The following MTA3 variants were observed in gnomAD, a reference collection of about 807,000 sequenced individuals.
MTA3 encodes metastasis associated 1 family member 3.
MTA3 carries 34 observed loss-of-function variants against 83.5 expected under a neutral mutation model. The observed-to-expected ratio is 0.41, with a 90% CI of 0.31 to 0.54. The LOEUF is 0.54. Ranked by LOEUF, MTA3 falls within the 20% of genes least tolerant of loss-of-function variation. The pLI, the probability that MTA3 is intolerant of heterozygous loss-of-function variation, is 0.33. For missense variants in MTA3, 761 were observed against 726.4 expected, an observed-to-expected ratio of 1.05 and a Z score of -0.55; for synonymous variants, 303 against 252.7, an observed-to-expected ratio of 1.20 and a Z score of -1.89.
At chr2:42,750,530 AG>A (rs1204138746) in intron 16 of MTA3, among the ~76,000 whole-genome samples, 1 of 152,144 alleles carries the variant, frequency 6.6e-6, no homozygotes, top group Non-Finnish European at 1.5e-5. Context: ...TAGGGTGATC[AG>A]GTTGGCCTGG....
Position 42,726,077 on chromosome 2 carries a change from T to C in MTA3, c.1759+3042T>C, listed in dbSNP as rs1353002417. On this transcript the variant is annotated intron_variant, in intron 16 of 16. Coordinates refer to ENST00000405094, the MANE Select transcript of MTA3 (RefSeq NM_001330442.2). ...GTTAATACTTTTCATGAGCTAGTTA[T>C]TACCATCATATACTGAAATAGATAC... 3.3e-5 allele frequency among the ~76,000 whole-genome samples: 5 copies of C among 152,190 alleles called. No homozygotes were observed. The East Asian group carries it at 9.6e-4, about 29-fold the overall frequency.
chr2:42,534,902 C>CGTGA (rs1676149745), intron 2 of MTA3, among the ~76,000 whole-genome samples: 1 of 151,928 alleles, frequency 6.6e-6, no homozygotes, highest in South Asian at 2.1e-4. Flanking sequence ...GTTTTACTGG[C>CGTGA]GTGAGCCACT....
intron 2 of MTA3, among the ~76,000 whole-genome samples, chr2:42,551,060 T>TAAAG (rs1677084162): frequency 6.6e-6 from 1 of 150,456 alleles, no homozygotes; most frequent in Non-Finnish European, 1.5e-5. Flanking sequence ...AATAAATAAA[T>TAAAG]AAATAAATAA....
Position 42,756,574 on chromosome 2 carries a change from C to A in MTA3, c.*3175C>A. The A allele has an allele frequency of 1.0e-6, 1 of 985,710 alleles. No homozygotes were observed. The highest frequency in any genetic ancestry group is 1.2e-6 in the Non-Finnish European group (1 of 830,142). 61.1% of individuals were successfully genotyped at this position (985,710 alleles called of 1,614,324 possible). A position where few individuals can be genotyped will look rare whatever the true frequency, so the allele number is the denominator to read the frequency against. ...GCGAGGGGAGGTGGAGGAGCTGCCC[C>A]GTGGGTGTTTGGAGATTCTGTTTTA... On this transcript the variant is annotated 3_prime_UTR_variant, in exon 17 of 17. Transcript: ENST00000405094.
At chr2:42,745,418 G>A (rs1669334583) in intron 16 of MTA3, among the ~76,000 whole-genome samples, 1 of 152,192 alleles carries the variant, frequency 6.6e-6, no homozygotes, top group Non-Finnish European at 1.5e-5. Context: ...GAAAAAATGA[G>A]TAGGATATTG....
At chr2:42,688,825 T>A (rs1230553538) in intron 9 of MTA3, among the ~76,000 whole-genome samples, 1 of 152,128 alleles carries the variant, frequency 6.6e-6, no homozygotes, top group African/African-American at 2.4e-5. Flanking sequence ...TATTTATTTA[T>A]TTTTGCCTTA....
At chr2:42,633,495 C>G (rs560193928) in intron 4 of MTA3, among the ~76,000 whole-genome samples, 1 of 152,268 alleles carries the variant, frequency 6.6e-6, no homozygotes, top group East Asian at 1.9e-4. Context: ...GGGAGGATCA[C>G]TTGAGCCTAG....
rs866804758 is a variant in MTA3 at position 42,549,408 on chromosome 2, T to C, written c.-140-21029T>C. On this transcript the variant is annotated intron_variant, in intron 2 of 17. Coordinates refer to the MTA3 transcript ENST00000405592. ...TATGTATATATTATATATACGTATATAATATATATTATATAATATATAATA... is the reference window on the plus strand; with the variant it reads ...TATGTATATATTATATATACGTATACAATATATATTATATAATATATAATA... Among the ~76,000 whole-genome samples the C allele has an allele frequency of 1.7e-3, 202 of 116,796 alleles. 5 individuals carry two copies. In the South Asian group the frequency reaches 0.019, roughly 11 times the overall value. The allele number at this position is 116,796 out of a possible 152,430, so 76.6% of individuals were successfully genotyped here.
chr2:42,685,978 T>C (rs1454033898), intron 9 of MTA3, among the ~76,000 whole-genome samples: 1 of 152,180 alleles, frequency 6.6e-6, no homozygotes, highest in Non-Finnish European at 1.5e-5. Flanking sequence ...GACATGAAGT[T>C]TTAAGAAGTG....
chr2:42,593,675 G>C (rs1287776507), intron 3 of MTA3, among the ~76,000 whole-genome samples: 1 of 148,220 alleles, frequency 6.7e-6, no homozygotes, highest in African/African-American at 2.5e-5. Flanking sequence ...GAGGACTATG[G>C]CATCTATCTT....
At chr2:42,701,413 T>C (rs1328187020) in intron 11 of MTA3, among the ~76,000 whole-genome samples, 2 of 115,570 alleles carry the variant, frequency 1.7e-5, no homozygotes, top group East Asian at 4.9e-4. Context: ...ATAGAGTCCC[T>C]GTATCTATCA....
intron 2 of MTA3, among the ~76,000 whole-genome samples, chr2:42,507,220 G>A (rs981963649): frequency 4.6e-5 from 7 of 152,100 alleles, no homozygotes; most frequent in Non-Finnish European, 7.4e-5. Flanking sequence ...CTCCCAGGCT[G>A]TAGTAGAGTG....
intron 6 of MTA3, among the ~76,000 whole-genome samples, chr2:42,648,830 G>A (rs982130201): frequency 1.3e-5 from 2 of 152,094 alleles, no homozygotes; most frequent in East Asian, 3.8e-4. Context: ...AACTGTTAAA[G>A]TATGTTATGA....
intron 9 of MTA3, among the ~76,000 whole-genome samples, chr2:42,693,551 G>A (rs908123334): frequency 6.6e-6 from 1 of 152,128 alleles, no homozygotes; most frequent in African/African-American, 2.4e-5. Flanking sequence ...GGGTAGTTCT[G>A]CCAGGCCACC....
In MTA3 at chr2:42,724,275, AAAACACACACACACACACACACACAC is replaced by A. The variant is rs1232463971; in HGVS notation, c.1759+1242_1759+1267del. 3.9e-3 allele frequency among the ~76,000 whole-genome samples: 324 copies of A among 82,232 alleles called. 5 individuals are homozygous for A. The highest frequency in any genetic ancestry group is 0.012 in the African/African-American group (275 of 23,604). 53.9% of individuals were successfully genotyped at this position (82,232 alleles called of 152,430 possible). On this transcript the variant is annotated intron_variant, in intron 16 of 16. Coordinates refer to ENST00000405094, the MANE Select transcript of MTA3 (RefSeq NM_001330442.2). ...GTAGAAGGTATAAAGTAAGTCCTGA[AAAACACACACACACACACACACACAC>A]ACACACACACACACACACACACACA...
At chr2:42,607,551 G>C (rs1271089674) in intron 3 of MTA3, among the ~76,000 whole-genome samples, 1 of 151,948 alleles carries the variant, frequency 6.6e-6, no homozygotes, top group East Asian at 1.9e-4. Flanking sequence ...TTTTTGTAGA[G>C]ATGTTTGGTC....
At chr2:42,667,611 T>C (rs913354999) in intron 8 of MTA3, among the ~76,000 whole-genome samples, 2 of 120,500 alleles carry the variant, frequency 1.7e-5, no homozygotes, top group African/African-American at 6.9e-5. Context: ...TGTGTGTGTA[T>C]AGAGAGAGAA....
At chr2:42,588,514 G>GTCT (rs1332982580) in intron 3 of MTA3, among the ~76,000 whole-genome samples, 3 of 152,116 alleles carry the variant, frequency 2.0e-5, no homozygotes, top group African/African-American at 7.2e-5. Context: ...ATTCAATTAG[G>GTCT]TCTTCTTTCA....
chr2:42,656,544 C>A (rs755271172), intron 7 of MTA3, among the ~76,000 whole-genome samples: 24 of 152,158 alleles, frequency 1.6e-4, no homozygotes, highest in Middle Eastern at 3.4e-3. Flanking sequence ...AGAAGAAATT[C>A]TTTATACCTG....
Sources: allele counts gnomAD v4.1 joint callset (sites outside exome capture counted in the v4.1 genomes callset), GRCh38; gene constraint gnomAD v4.1.1; transcripts MANE v1.5; gene names NCBI Gene and HGNC (gene_info 2026-07-23, HGNC 2026-07-21).